The following RBFOX2 variants were observed in gnomAD, a reference collection of about 807,000 sequenced individuals.
The protein encoded by RBFOX2 is RNA binding protein fox-1 homolog 2.
RBFOX2 carries 10 observed loss-of-function variants against 49.1 expected under a neutral mutation model. The observed-to-expected ratio is 0.20, with a 90% CI of 0.13 to 0.35. The LOEUF is 0.35. Among genes scored for constraint, RBFOX2 ranks in the 10% least tolerant of loss-of-function variants. RBFOX2 has a pLI of 1.00. For missense variants in RBFOX2, 323 were observed against 486.9 expected (o/e 0.66, Z 3.17); for synonymous variants, 183 against 187.4 (o/e 0.98, Z 0.19).
At chr22:35,974,524 T>C (rs2057044993) in intron 1 of RBFOX2, among the ~76,000 whole-genome samples, 2 of 151,912 alleles carry the variant, frequency 1.3e-5, no homozygotes, top group African/African-American at 4.8e-5. Flanking sequence ...CTGTCTCTAC[T>C]AAAAATACAA....
chr22:35,929,061 T>A (rs372266019), intron 1 of RBFOX2, among the ~76,000 whole-genome samples: 1 of 152,090 alleles, frequency 6.6e-6, no homozygotes, highest in Non-Finnish European at 1.5e-5. Context: ...CAAAGCTAAA[T>A]TGAACTATGA....
intron 1 of RBFOX2, among the ~76,000 whole-genome samples, chr22:35,988,583 A>T (rs2057825599): frequency 6.6e-6 from 1 of 152,138 alleles, no homozygotes; most frequent in Admixed American, 6.5e-5. Flanking sequence ...TAGTGCCATA[A>T]AGGGTAGAAG....
intron 1 of RBFOX2, among the ~76,000 whole-genome samples, chr22:35,920,383 A>T (rs1488410539): frequency 6.6e-6 from 1 of 152,178 alleles, no homozygotes; most frequent in Non-Finnish European, 1.5e-5. Flanking sequence ...GGTGCCATCA[A>T]ATTGTTCACC....
chr22:35,950,659 T>C (rs1393356227), intron 1 of RBFOX2, among the ~76,000 whole-genome samples: 1 of 152,156 alleles, frequency 6.6e-6, no homozygotes, highest in Non-Finnish European at 1.5e-5. Context: ...AGGGACTTAC[T>C]TCTCTGCCAT....
chr22:35,832,687 C>T (rs907193537), intron 1 of RBFOX2, among the ~76,000 whole-genome samples: 4 of 151,802 alleles, frequency 2.6e-5, no homozygotes, highest in Non-Finnish European at 5.9e-5. Flanking sequence ...ACAAAATTAG[C>T]CAGGTGTGGT....
upstream of RBFOX2, among the ~76,000 whole-genome samples, chr22:35,961,985 T>C (rs537878841): frequency 1.8e-4 from 27 of 152,060 alleles, no homozygotes; most frequent in Non-Finnish European, 3.2e-4. Context: ...CTGCCTCACA[T>C]ATAAGATTGG....
intron 1 of RBFOX2, among the ~76,000 whole-genome samples, chr22:35,901,979 C>G (rs1422379420): frequency 6.6e-6 from 1 of 151,966 alleles, no homozygotes. Flanking sequence ...ACTCAGGAGG[C>G]TGAGGCAGGA....
At chr22:35,960,393 C>T (rs1222631093) in intron 1 of RBFOX2, among the ~76,000 whole-genome samples, 1 of 152,092 alleles carries the variant, frequency 6.6e-6, no homozygotes, top group Non-Finnish European at 1.5e-5. Context: ...AGACTTGAAC[C>T]AACCCGATTT....
chr22:35,955,948 C>T, intron 1 of RBFOX2, among the ~76,000 whole-genome samples: 1 of 152,180 alleles, frequency 6.6e-6, no homozygotes, highest in Middle Eastern at 3.2e-3. Context: ...TTTCGCCTAT[C>T]TCTAGATATT....
At chr22:35,925,451 T>A (rs1259779002) in intron 1 of RBFOX2, among the ~76,000 whole-genome samples, 1 of 152,110 alleles carries the variant, frequency 6.6e-6, no homozygotes, top group South Asian at 2.1e-4. Flanking sequence ...GATCACTTAC[T>A]TGAGCCCAGG....
chr22:35,826,073 G>C (rs1221403423), intron 1 of RBFOX2, among the ~76,000 whole-genome samples: 1 of 149,192 alleles, frequency 6.7e-6, no homozygotes, highest in Admixed American at 6.7e-5. Context: ...CGGGTGCAGC[G>C]GCTCACGCCT....
chr22:35,952,268 T>C (rs2055032050), intron 1 of RBFOX2, among the ~76,000 whole-genome samples: 2 of 152,228 alleles, frequency 1.3e-5, no homozygotes, highest in Non-Finnish European at 2.9e-5. Flanking sequence ...TGCACCTTTT[T>C]TCTTTGCTGA....
intron 2 of RBFOX2, among the ~76,000 whole-genome samples, chr22:35,795,198 GAT>G (rs1050156245): frequency 1.8e-4 from 28 of 152,048 alleles, no homozygotes; most frequent in Admixed American, 1.8e-3. Flanking sequence ...ATTGATACAG[GAT>G]ATATATATTT....
upstream of RBFOX2, chr22:35,840,643 T>TGTGTGC: frequency 9.5e-7 from 1 of 1,047,328 alleles, no homozygotes; most frequent in South Asian, 3.7e-5. Flanking sequence ...TGTGTGTGTG[T>TGTGTGC]GTGTGTGTGT....
chr22:35,863,903 G>A (rs953288415), intron 1 of RBFOX2, among the ~76,000 whole-genome samples: 5 of 152,136 alleles, frequency 3.3e-5, no homozygotes, highest in African/African-American at 1.2e-4. Flanking sequence ...TCCTCACTTC[G>A]GGCAAAGCAT....
chr22:35,891,823 T>C (rs1384166666), intron 1 of RBFOX2, among the ~76,000 whole-genome samples: 1 of 149,722 alleles, frequency 6.7e-6, no homozygotes, highest in African/African-American at 2.5e-5. Context: ...AATGACATAA[T>C]GAATGCTTAA....
chr22:36,007,244 T>C (rs934677293), intron 1 of RBFOX2, among the ~76,000 whole-genome samples: 1 of 151,770 alleles, frequency 6.6e-6, no homozygotes, highest in Non-Finnish European at 1.5e-5. Context: ...TAAGAAAACA[T>C]AGCTAATATA....
chr22:35,902,180 C>A (rs1376949368), intron 1 of RBFOX2, among the ~76,000 whole-genome samples: 1 of 152,176 alleles, frequency 6.6e-6, no homozygotes, highest in Non-Finnish European at 1.5e-5. Context: ...TTCTAACTAG[C>A]TTTCTCTGGT....
intron 1 of RBFOX2, among the ~76,000 whole-genome samples, chr22:35,814,710 C>CAAAAAAAAA (rs55971445): frequency 4.2e-4 from 13 of 31,018 alleles, no homozygotes; most frequent in African/African-American, 8.0e-4. Flanking sequence ...AACCCTGTCT[C>CAAAAAAAAA]AAAAAAAAAA....
Sources: gnomAD v4.1 joint callset for allele counts (sites outside exome capture counted in the v4.1 genomes callset) on GRCh38, gnomAD v4.1.1 for gene constraint, MANE v1.5 for transcripts, NCBI Gene and HGNC (gene_info 2026-07-23, HGNC 2026-07-21) for gene names.